Variants in PLPPR3 observed in about 807,000 individuals in gnomAD.
PLPPR3 encodes phospholipid phosphatase related 3.
PLPPR3 carries 14 observed loss-of-function variants against 27.3 expected under a neutral mutation model. The ratio of observed to expected loss-of-function variants is 0.51; its 90% CI spans 0.34 to 0.80. The LOEUF is 0.80. PLPPR3 is among the 30% of genes least tolerant of loss of function. The probability of loss-of-function intolerance (pLI) is 0.01; values close to 1 mark genes in which losing one functional copy is unlikely to be tolerated. For synonymous variants in PLPPR3, 671 were observed against 508.0 expected, an observed-to-expected ratio of 1.32 and a Z score of -4.32; for missense variants, 1,287 against 1,056.9, an observed-to-expected ratio of 1.22 and a Z score of -3.02.
Position 813,508 on chromosome 19 carries a change from G to C in PLPPR3, c.1219C>G (p.Leu407Val). 6.4e-7 allele frequency: 1 copy of C among 1,556,498 alleles called. No homozygotes were observed. Among genetic ancestry groups the C allele is most frequent in the Non-Finnish European group, 8.7e-7 (1 of 1,154,030 alleles). ...CTCTTCTGCTTCCACTCGCTGATGAGCTGCTTGGAGCGCGAGGCGTCCAGC... is the reference window on the plus strand; with the variant it reads ...CTCTTCTGCTTCCACTCGCTGATGACCTGCTTGGAGCGCGAGGCGTCCAGC... ...VPLDASRSKQLISEWKQKSLE... is the reference protein window; with the variant it reads ...VPLDASRSKQVISEWKQKSLE... The change falls in exon 8 of 8, where the codon CTC becomes GTC. Residue 407 changes from leucine (L) to valine (V), a missense_variant. Physicochemically the swap from Leu to Val is conservative, Grantham distance 32 (BLOSUM62 1). Transcript: ENST00000520876. The surrounding 1 kb of genome is among the most constrained non-coding windows in gnomAD (Gnocchi z 4.1).
At position 814,622 on chromosome 19, in the gene PLPPR3, T is replaced by C. The variant is rs755355347; in HGVS notation, c.658-15A>G. The C allele has an allele frequency of 9.9e-6, 16 of 1,610,880 alleles. No homozygotes were observed. Among genetic ancestry groups the C allele is most frequent in the Non-Finnish European group, 1.4e-5 (16 of 1,179,876 alleles). On this transcript the variant is annotated splice_polypyrimidine_tract_variant and intron_variant, in intron 6 of 7. Coordinates refer to ENST00000520876, the MANE Select transcript of PLPPR3 (RefSeq NM_001270366.2). ...TTGAAGTACATCTGGGGCATGGGGG[T>C]TGGGGTCAGGGAGGGCTCCCCACGG...
chr19:814,058 G>A (rs1213547550), intron 7 of PLPPR3, among the ~76,000 whole-genome samples, 163 bp from the exon 8 acceptor site: 3 of 152,050 alleles, frequency 2.0e-5, no homozygotes, highest in Non-Finnish European at 4.4e-5. Flanking sequence ...CAGCACATCG[G>A]GCAGGTCTGA....
intron 2 of PLPPR3, among the ~76,000 whole-genome samples, chr19:820,259 C>A (rs1292660981): frequency 1.3e-5 from 2 of 152,098 alleles, no homozygotes; most frequent in African/African-American, 4.8e-5. Context: ...TCACAACTCA[C>A]TACAGCCTCA....
chr19:820,300 C>T (rs113689756), intron 2 of PLPPR3, among the ~76,000 whole-genome samples: 20,163 of 151,972 alleles, frequency 0.13, 1,625 homozygotes, highest in South Asian at 0.23. Context: ...CCTCCCACCT[C>T]GGCCTCCTAA....
intron 2 of PLPPR3, among the ~76,000 whole-genome samples, chr19:817,225 G>A (rs1568286173): frequency 6.6e-6 from 1 of 152,024 alleles, no homozygotes; most frequent in Non-Finnish European, 1.5e-5. Context: ...TGATACACCC[G>A]CCTTGGCCTC....
intron 2 of PLPPR3, among the ~76,000 whole-genome samples, chr19:819,314 T>G (rs1234164502): frequency 1.5e-5 from 2 of 132,984 alleles, no homozygotes; most frequent in Non-Finnish European, 3.1e-5. Flanking sequence ...GGAGTCTCAC[T>G]CTGTTGCCCA....
Position 821,416 on chromosome 19 carries a change from G to T in PLPPR3, c.75+69C>A. On this transcript the variant is annotated intron_variant, in intron 2 of 7. Transcript: ENST00000520876. ...CAGCTGCGCCGGCTCCGGTCCCCCA[G>T]CGCGGGGGTCTCTGCGGGCGGGCGG... The T allele has an allele frequency of 3.5e-6, 5 of 1,412,650 alleles. No individual in the cohort carries two copies. The East Asian group carries it at 8.8e-5, about 25-fold the overall frequency. 87.5% of individuals were successfully genotyped at this position (1,412,650 alleles called of 1,614,324 possible).
rs1342738074 is a variant in PLPPR3 at position 813,919 on chromosome 19, G to A, written c.832-24C>T. The A allele has an allele frequency of 1.4e-6, 2 of 1,421,410 alleles. No homozygotes were observed. Among genetic ancestry groups the A allele is most frequent in the Admixed American group, 6.1e-5 (2 of 32,560 alleles). 88.0% of individuals were successfully genotyped at this position (1,421,410 alleles called of 1,614,324 possible). ...GCCTGTCGGGGAGAGGGGTCTGGGG[G>A]TGAGGCCTGGGGCTCAGAGGGCTCC... On this transcript the variant is annotated intron_variant, in intron 7 of 7. Transcript: ENST00000520876. The surrounding 1 kb of genome is among the most constrained non-coding windows in gnomAD (Gnocchi z 4.1).
At chr19:817,175 G>C (rs1319488940) in intron 2 of PLPPR3, among the ~76,000 whole-genome samples, 1 of 152,090 alleles carries the variant, frequency 6.6e-6, no homozygotes, top group Non-Finnish European at 1.5e-5. Context: ...ACAGGGTATC[G>C]TCATGTTGCC....
chr19:814,401 C>A, intron 7 of PLPPR3, 33 bp downstream of exon 7: 1 of 1,562,968 alleles, frequency 6.4e-7, no homozygotes, highest in Non-Finnish European at 8.6e-7. Flanking sequence ...CCCTGGGAAC[C>A]CATGCCGACC....
At chr19:819,704 C>T (rs1380165549) in intron 2 of PLPPR3, among the ~76,000 whole-genome samples, 1 of 152,118 alleles carries the variant, frequency 6.6e-6, no homozygotes, top group Non-Finnish European at 1.5e-5. Context: ...TGTGAGGTAA[C>T]GGATTACAGG....
chr19:814,326 C>T (rs2035012358), intron 7 of PLPPR3, 108 bp downstream of exon 7: 1 of 1,155,214 alleles, frequency 8.7e-7, no homozygotes, highest in South Asian at 1.5e-5. Flanking sequence ...TGCCTCCCAC[C>T]TCAGACCCCT....
At position 813,801 on chromosome 19, in the gene PLPPR3, C is replaced by T. The variant is rs1434314509; in HGVS notation, c.926G>A (p.Arg309Gln). Residue 309 changes from arginine to glutamine, a missense_variant, in exon 8 of 8, where the codon CGG becomes CAG. Physicochemically the swap from Arg to Gln is conservative, Grantham distance 43. Transcript: ENST00000520876. The surrounding 1 kb of genome is among the most constrained non-coding windows in gnomAD (Gnocchi z 4.1). Reference protein sequence around the residue: ...AKDALRALTQRGHDSVYQQNK... With the variant: ...AKDALRALTQQGHDSVYQQNK... ...CTGCTGATAAACCGAGTCGTGGCCC[C>T]GCTGCGTCAGGGCCCGCAGCGCGTC... 1.3e-5 allele frequency: 20 copies of T among 1,523,096 alleles called. No homozygotes were observed. The highest frequency in any genetic ancestry group is 1.7e-4 in the Middle Eastern group (1 of 5,958). The allele number at this position is 1,523,096 out of a possible 1,614,324, so 94.3% of individuals were successfully genotyped here. A position where few individuals can be genotyped will look rare whatever the true frequency, so the allele number is the denominator to read the frequency against.
rs781702457 is a variant in PLPPR3 at position 814,458 on chromosome 19, G to A, written c.807C>T (p.Ile269=). The part of the protein sequence containing the change: ...HPVDVYAGFL[I]GAGIAAYLAC... The stretch of plus-strand genomic sequence containing the variant: ...CCAGGTAGGCAGCGATGCCCGCCCC[G>A]ATGAGGAAGCCGGCATACACGTCCA... Residue 269 remains isoleucine (I), a synonymous_variant, in exon 7 of 8, where the codon ATC becomes ATT. Transcript: ENST00000520876. The A allele has an allele frequency of 8.7e-6, 14 of 1,605,214 alleles. No individual in the cohort carries two copies. Among genetic ancestry groups the A allele is most frequent in the Admixed American group, 8.3e-5 (5 of 59,910 alleles).
Position 821,533 on chromosome 19 carries a change from C to G in PLPPR3, c.27G>C (p.Lys9Asn). 1 of 1,497,280 alleles carries G rather than the reference C, an allele frequency of 6.7e-7. No individual in the cohort carries two copies. The highest frequency in any genetic ancestry group is 2.9e-5 in the East Asian group (1 of 34,824). The allele number at this position is 1,497,280 out of a possible 1,614,324, so 92.7% of individuals were successfully genotyped here. A position where few individuals can be genotyped will look rare whatever the true frequency, so the allele number is the denominator to read the frequency against. ...GAAGCGTCATGCTGTCCTTCGGGAT[C>G]TTGTTCTTCTCCTTGGTGGAGATCA... MISTKEKN[K>N]IPKDSMTLLP... The change falls in exon 2 of 8, where the codon AAG becomes AAC. Residue 9 changes from lysine (K) to asparagine (N), a missense_variant. Coordinates refer to ENST00000520876, the MANE Select transcript of PLPPR3 (RefSeq NM_001270366.2).
Position 815,218 on chromosome 19 carries a change from T to A in PLPPR3, c.371A>T (p.Asn124Ile). 1 of 1,599,950 alleles carries A rather than the reference T, an allele frequency of 6.3e-7. No homozygotes were observed. Among genetic ancestry groups the A allele is most frequent in the Non-Finnish European group, 8.5e-7 (1 of 1,176,160 alleles). The change falls in exon 4 of 8, where the codon AAC becomes ATC. Residue 124 changes from asparagine (N) to isoleucine (I), a missense_variant. Physicochemically the swap from Asn to Ile is moderately radical, Grantham distance 149. Coordinates refer to ENST00000520876, the MANE Select transcript of PLPPR3 (RefSeq NM_001270366.2). ...CCGCACCGTACGCCGCAGGAAGGAG[T>A]TGAAGTTGCAGCCGCCGGCGTTGAT... Reference protein sequence around the residue: ...GSINAGGCNFNSFLRRTVRFV... With the variant: ...GSINAGGCNFISFLRRTVRFV...
chr19:823,358 C>T (rs1044122195), upstream of PLPPR3, among the ~76,000 whole-genome samples: 9 of 150,652 alleles, frequency 6.0e-5, no homozygotes, highest in African/African-American at 1.9e-4. Flanking sequence ...AGGAGAATTG[C>T]TTGAACCTGG....
In PLPPR3 at chr19:813,868, C is replaced by T; in HGVS notation, c.859G>A (p.Ala287Thr). ...GCCGCGGGCTTCTCTGCAGGTGGGG[C>T]CTGGAAGTTGCCCACCGCGTGGCAG... ...LACHAVGNFQAPPAEKPAAPA... is the reference protein window; with the variant it reads ...LACHAVGNFQTPPAEKPAAPA... The change falls in exon 8 of 8, where the codon GCC (alanine) becomes ACC (threonine). Residue 287 changes from alanine (A) to threonine (T), a missense_variant. Ala to Thr is a moderately conservative substitution (Grantham distance 58). Transcript: ENST00000520876. This position sits in a 1 kb window ranked among gnomAD's most constrained non-coding sequence, Gnocchi z 4.1. The T allele has an allele frequency of 6.9e-7, 1 of 1,445,760 alleles. No individual in the cohort carries two copies. Among genetic ancestry groups the T allele is most frequent in the South Asian group, 1.4e-5 (1 of 69,964 alleles). The allele number at this position is 1,445,760 out of a possible 1,614,324, so 89.6% of individuals were successfully genotyped here.
At chr19:821,606 C>G in intron 1 of PLPPR3, 21 bp from the exon 2 acceptor site, 1 of 1,328,612 alleles carries the variant, frequency 7.5e-7, no homozygotes, top group South Asian at 1.4e-5. Flanking sequence ...GAAAGCGGCG[C>G]TGGAGGGGGG....
Sources: gnomAD v4.1 joint callset for allele counts (sites outside exome capture counted in the v4.1 genomes callset) on GRCh38, gnomAD v4.1.1 for gene constraint, Gnocchi (gnomAD v3.1) non-coding constraint, MANE v1.5 for transcripts, NCBI Gene and HGNC (gene_info 2026-07-23, HGNC 2026-07-21) for gene names.